Variants in LRTM3 observed in about 807,000 individuals in gnomAD.
The protein encoded by LRTM3 is leucine-rich repeat transmembrane protein 3.
the LRTM3 span, chr13:102,748,949 G>C: frequency 1.8e-5 from 28 of 1,550,456 alleles, no homozygotes; most frequent in South Asian, 2.3e-4. Context: ...CTCTGTATCT[G>C]GTGACTTATT....
chr13:102,730,037 G>T, the LRTM3 span: 4 of 1,551,432 alleles, frequency 2.6e-6, no homozygotes, highest in South Asian at 1.2e-5. Context: ...CTGAATTTCC[G>T]CAGTATTTGA....
chr13:102,758,887 G>C, the LRTM3 span: 1 of 1,548,430 alleles, frequency 6.5e-7, no homozygotes, highest in Non-Finnish European at 8.7e-7. Context: ...TTATCTTCCA[G>C]TCCACTCCCT....
chr13:102,744,594 A>G, the LRTM3 span: 1 of 1,550,598 alleles, frequency 6.4e-7, no homozygotes. Flanking sequence ...ACTATGTGAG[A>G]CAAATTCCAA....
chr13:102,756,743 T>C, the LRTM3 span, among the ~76,000 whole-genome samples: 1 of 150,764 alleles, frequency 6.6e-6, no homozygotes, highest in Non-Finnish European at 1.5e-5. Context: ...TAGACCTTTT[T>C]TAACTTCAAA....
chr13:102,750,026 A>G, the LRTM3 span: 21 of 1,549,976 alleles, frequency 1.4e-5, no homozygotes, highest in Non-Finnish European at 1.8e-5. Flanking sequence ...TTCATTTTCT[A>G]CAGTGAATCT....
the LRTM3 span, chr13:102,758,813 A>C: frequency 1.3e-6 from 2 of 1,549,962 alleles, no homozygotes; most frequent in South Asian, 2.4e-5. Context: ...TTATAAAGAA[A>C]ATTGCCACCC....
the LRTM3 span, chr13:102,748,037 T>G: frequency 1.9e-5 from 29 of 1,551,034 alleles, no homozygotes; most frequent in South Asian, 2.9e-4. Flanking sequence ...CTGTGTTTCC[T>G]TCTCATCTGG....
chr13:102,750,202 C>A, the LRTM3 span: 3 of 1,551,128 alleles, frequency 1.9e-6, no homozygotes, highest in Non-Finnish European at 8.7e-7. Flanking sequence ...AAAACAATGG[C>A]AAAGATGAGC....
chr13:102,736,535 C>T, the LRTM3 span: 1 of 1,551,156 alleles, frequency 6.4e-7, no homozygotes, highest in Non-Finnish European at 8.7e-7. Flanking sequence ...TGGCATAAAG[C>T]TTCTTGTTAT....
chr13:102,735,278 T>G, the LRTM3 span: 1 of 1,551,228 alleles, frequency 6.4e-7, no homozygotes, highest in East Asian at 2.4e-5. Flanking sequence ...CTTCTCTTCT[T>G]TCTGTAGCAG....
chr13:102,744,635 C>A, the LRTM3 span: 1 of 1,550,804 alleles, frequency 6.4e-7, no homozygotes, highest in Non-Finnish European at 8.7e-7. Flanking sequence ...CGGTTCAGAT[C>A]CTGATTTGCA....
chr13:102,731,466 TG>T, the LRTM3 span: 1 of 1,551,500 alleles, frequency 6.4e-7, no homozygotes, highest in Non-Finnish European at 8.7e-7. Flanking sequence ...TTTTTTTCTT[TG>T]GGAGTAAACT....
At chr13:102,731,045 A>C in the LRTM3 span, 118 of 1,551,372 alleles carry the variant, frequency 7.6e-5, 1 homozygote, top group Admixed American at 1.2e-4. Flanking sequence ...AGAAAAGTGC[A>C]TGAGGAGTTT....
the LRTM3 span, chr13:102,750,176 T>A: frequency 6.4e-7 from 1 of 1,551,236 alleles, no homozygotes; most frequent in South Asian, 1.2e-5. Flanking sequence ...TAGACACGTT[T>A]CCTCTACTTC....
the LRTM3 span, chr13:102,744,401 T>C: frequency 6.5e-7 from 1 of 1,550,144 alleles, no homozygotes; most frequent in Non-Finnish European, 8.7e-7. Context: ...TCTAGGATTT[T>C]CATCCCAAGG....
the LRTM3 span, chr13:102,731,326 C>T: frequency 2.6e-6 from 4 of 1,551,364 alleles, no homozygotes; most frequent in Non-Finnish European, 2.6e-6. Context: ...AATAGAACCT[C>T]CAACTGTTAT....
chr13:102,753,590 A>T, the LRTM3 span, among the ~76,000 whole-genome samples: 1 of 152,142 alleles, frequency 6.6e-6, no homozygotes, highest in Non-Finnish European at 1.5e-5. Context: ...ACACCTCAGG[A>T]GAAACCAAGC....
chr13:102,735,814 T>G, the LRTM3 span: 4 of 1,543,196 alleles, frequency 2.6e-6, no homozygotes, highest in Non-Finnish European at 2.6e-6. Context: ...TGCCTTCCTT[T>G]TCATTCCTTC....
the LRTM3 span, chr13:102,749,074 C>A: frequency 6.5e-7 from 1 of 1,549,972 alleles, no homozygotes; most frequent in Non-Finnish European, 8.7e-7. Context: ...AAATAAGATG[C>A]AAAGCTATAT....
Sources: gnomAD v4.1 joint callset for allele counts (sites outside exome capture counted in the v4.1 genomes callset) on GRCh38, gnomAD v4.1.1 for gene constraint, MANE v1.5 for transcripts, NCBI Gene and HGNC (gene_info 2026-07-23, HGNC 2026-07-21) for gene names.